Variants in SHISA6 observed in about 807,000 individuals in gnomAD.
The protein encoded by SHISA6 is protein shisa-6.
Under a neutral mutation model 47.9 loss-of-function variants are expected in SHISA6, and 22 were observed. That is an observed-to-expected ratio of 0.46 (90% CI 0.33 to 0.66). The LOEUF (loss-of-function observed/expected upper bound fraction) is 0.66, where lower values mean the gene tolerates loss of function less well. SHISA6 is among the 30% of genes least tolerant of loss of function. SHISA6 has a pLI of 0.02. For synonymous variants in SHISA6, 388 were observed against 337.8 expected, an observed-to-expected ratio of 1.15 and a Z score of -1.63; for missense variants, 680 against 764.6, an observed-to-expected ratio of 0.89 and a Z score of 1.30.
intron 2 of SHISA6, among the ~76,000 whole-genome samples, chr17:11,318,013 T>C (rs1370423485): frequency 6.6e-6 from 1 of 152,202 alleles, no homozygotes; most frequent in Non-Finnish European, 1.5e-5. Context: ...ATTGGATTAT[T>C]TTGCAGCAAA....
At chr17:11,326,039 G>A (rs1430674436) in intron 2 of SHISA6, among the ~76,000 whole-genome samples, 2 of 152,228 alleles carry the variant, frequency 1.3e-5, no homozygotes, top group Non-Finnish European at 2.9e-5. Context: ...GGGAGGCCAA[G>A]GCCGGCGGAT....
chr17:11,507,706 G>T (rs953672390), intron 3 of SHISA6, among the ~76,000 whole-genome samples: 9 of 152,156 alleles, frequency 5.9e-5, no homozygotes, highest in Non-Finnish European at 1.3e-4. Context: ...TCTGCCTGCT[G>T]TTCACTGACA....
At chr17:11,464,281 CT>C (rs34642352) in intron 3 of SHISA6, among the ~76,000 whole-genome samples, 2 of 152,174 alleles carry the variant, frequency 1.3e-5, no homozygotes, top group Admixed American at 6.5e-5. Flanking sequence ...GTTTTCCCTC[CT>C]TTTTGGATTA....
At chr17:11,375,031 G>A (rs1484258487) in intron 2 of SHISA6, among the ~76,000 whole-genome samples, 1 of 151,990 alleles carries the variant, frequency 6.6e-6, no homozygotes, top group Non-Finnish European at 1.5e-5. Flanking sequence ...AAACGTTGCT[G>A]CACTTTCTGT....
At chr17:11,539,922 C>A (rs923664901) in intron 3 of SHISA6, among the ~76,000 whole-genome samples, 8 of 152,106 alleles carry the variant, frequency 5.3e-5, no homozygotes, top group Admixed American at 3.9e-4. Context: ...GTTGATAAGT[C>A]CAGAGAAAGA....
chr17:11,452,303 T>C (rs899203069), intron 3 of SHISA6, among the ~76,000 whole-genome samples: 2 of 152,222 alleles, frequency 1.3e-5, no homozygotes, highest in Non-Finnish European at 2.9e-5. Flanking sequence ...CTCATGGTTG[T>C]GTTTCTGGCA....
intron 3 of SHISA6, among the ~76,000 whole-genome samples, chr17:11,476,300 T>G (rs1349684618): frequency 1.3e-5 from 2 of 152,050 alleles, no homozygotes; most frequent in Non-Finnish European, 2.9e-5. Context: ...TCTGCTCTAT[T>G]TTTTATTGCT....
chr17:11,271,600 G>C (rs1001675014), intron 2 of SHISA6, among the ~76,000 whole-genome samples: 1 of 116,624 alleles, frequency 8.6e-6, no homozygotes, highest in Non-Finnish European at 1.7e-5. Flanking sequence ...ACCACGCCTG[G>C]CTTTTTTTTT....
intron 2 of SHISA6, among the ~76,000 whole-genome samples, chr17:11,305,541 C>T (rs954373246): frequency 3.9e-5 from 6 of 152,174 alleles, no homozygotes; most frequent in Non-Finnish European, 7.3e-5. Flanking sequence ...TGATGAAGCC[C>T]GCTTGGGATG....
rs150227358 is a variant in SHISA6 at position 11,462,907 on chromosome 17, G to A, written c.895+83398G>A. Among the ~76,000 whole-genome samples, 388 of 152,238 alleles carry A rather than the reference G, an allele frequency of 2.5e-3. 4 individuals carry two copies. Among genetic ancestry groups the A allele is most frequent in the Non-Finnish European group, 1.8e-3 (120 of 68,020 alleles). On this transcript the variant is annotated intron_variant, in intron 3 of 5. Coordinates refer to ENST00000441885, the MANE Select transcript of SHISA6 (RefSeq NM_207386.4). ...CCTCCCAAAGTGCTGGGATTATAGC[G>A]TGTTATCCAGTGTGTTATCCATTGA...
intron 3 of SHISA6, among the ~76,000 whole-genome samples, chr17:11,449,225 C>T (rs1202453719): frequency 2.0e-5 from 3 of 151,872 alleles, no homozygotes; most frequent in African/African-American, 4.8e-5. Context: ...GCACACTGCC[C>T]GAGCTCAGGA....
chr17:11,263,823 G>T (rs1356726404), intron 2 of SHISA6, among the ~76,000 whole-genome samples: 1 of 152,178 alleles, frequency 6.6e-6, no homozygotes, highest in African/African-American at 2.4e-5. Flanking sequence ...CCATAGCAGG[G>T]TATGGCCATC....
In SHISA6 at chr17:11,369,611, T is replaced by C. The variant is rs1269909664; in HGVS notation, c.800-9803T>C. ...ATTCCTTCATTTCTTAATAGAGCCATGAGGTCTAACCTGTATTCTCATAAG... is the reference window on the plus strand; with the variant it reads ...ATTCCTTCATTTCTTAATAGAGCCACGAGGTCTAACCTGTATTCTCATAAG... On this transcript the variant is annotated intron_variant, in intron 2 of 5. Coordinates refer to ENST00000441885, the MANE Select transcript of SHISA6 (RefSeq NM_207386.4). Among the ~76,000 whole-genome samples, 3 of 152,232 alleles carry C rather than the reference T, an allele frequency of 2.0e-5. No homozygotes were observed. The East Asian group carries it at 5.8e-4, about 29-fold the overall frequency.
intron 2 of SHISA6, among the ~76,000 whole-genome samples, chr17:11,324,611 G>A (rs1435196709): frequency 6.6e-6 from 1 of 152,062 alleles, no homozygotes; most frequent in Non-Finnish European, 1.5e-5. Flanking sequence ...ATTGGGGGGT[G>A]GAGAGAAGAG....
intron 4 of SHISA6, 42 bp downstream of exon 4, chr17:11,551,994 C>T (rs767010416): frequency 6.5e-6 from 10 of 1,534,910 alleles, no homozygotes; most frequent in Middle Eastern, 1.7e-4. Context: ...CTCCTTATTT[C>T]GAGTGGCACC....
chr17:11,444,164 C>G (rs1915169547), intron 3 of SHISA6, among the ~76,000 whole-genome samples: 1 of 152,036 alleles, frequency 6.6e-6, no homozygotes, highest in Non-Finnish European at 1.5e-5. Flanking sequence ...ACTAAAAATA[C>G]AAAAATTAGC....
chr17:11,271,571 G>A (rs1951851635), intron 2 of SHISA6, among the ~76,000 whole-genome samples: 1 of 148,658 alleles, frequency 6.7e-6, no homozygotes, highest in South Asian at 2.1e-4. Flanking sequence ...CCAAGTAGCT[G>A]GAATTACAGG....
At chr17:11,444,315 T>C (rs1915175420) in intron 3 of SHISA6, among the ~76,000 whole-genome samples, 1 of 151,798 alleles carries the variant, frequency 6.6e-6, no homozygotes, top group African/African-American at 2.4e-5. Context: ...TGAGACTCCA[T>C]AAAAAATAAA....
intron 2 of SHISA6, among the ~76,000 whole-genome samples, chr17:11,327,624 C>A (rs1910944256): frequency 6.6e-6 from 1 of 152,158 alleles, no homozygotes; most frequent in African/African-American, 2.4e-5. Context: ...GGGCAAAACC[C>A]CGTCTCCACT....
Sources: gnomAD v4.1 joint callset for allele counts (sites outside exome capture counted in the v4.1 genomes callset) on GRCh38, gnomAD v4.1.1 for gene constraint, MANE v1.5 for transcripts, NCBI Gene and HGNC (gene_info 2026-07-23, HGNC 2026-07-21) for gene names.